CCDC178: variants seen among roughly 807,000 people sequenced by gnomAD.
CCDC178 encodes coiled-coil domain containing 178.
In CCDC178, 126 loss-of-function variants were observed where a neutral mutation model predicts 117.4. The ratio of observed to expected loss-of-function variants is 1.07; its 90% CI spans 0.93 to 1.24. The LOEUF (loss-of-function observed/expected upper bound fraction) is 1.24. Among genes scored for constraint, CCDC178 ranks in the 50% most tolerant of loss-of-function variants. The pLI, the probability that CCDC178 is intolerant of heterozygous loss-of-function variation, is 0.00. For synonymous variants in CCDC178, 283 were observed against 313.4 expected (o/e 0.90, Z 1.02); for missense variants, 1,030 against 986.9 (o/e 1.04, Z -0.59).
chr18:33,049,757 A>G (rs2056711131), intron 21 of CCDC178, among the ~76,000 whole-genome samples: 1 of 152,140 alleles, frequency 6.6e-6, no homozygotes, highest in Non-Finnish European at 1.5e-5. Context: ...TTCACCCTCA[A>G]CAGAATTGTT....
intron 21 of CCDC178, among the ~76,000 whole-genome samples, chr18:33,039,962 G>A (rs1390941194): frequency 4.0e-5 from 6 of 151,360 alleles, no homozygotes; most frequent in African/African-American, 4.9e-5. Flanking sequence ...AATTAACAAC[G>A]ATAACAACCA....
chr18:33,061,842 T>C (rs574577138), intron 21 of CCDC178, among the ~76,000 whole-genome samples: 13 of 152,298 alleles, frequency 8.5e-5, no homozygotes, highest in Admixed American at 5.2e-4. Flanking sequence ...CAGAGGGTTA[T>C]ATGAAGACAT....
At chr18:33,147,939 C>T (rs963396847) in intron 20 of CCDC178, among the ~76,000 whole-genome samples, 15 of 152,082 alleles carry the variant, frequency 9.9e-5, no homozygotes, top group East Asian at 3.9e-4. Context: ...CCAGACGGGG[C>T]GGCCAGGCAG....
intron 21 of CCDC178, among the ~76,000 whole-genome samples, chr18:33,035,913 T>C (rs549927645): frequency 4.6e-4 from 70 of 152,130 alleles, no homozygotes; most frequent in African/African-American, 1.6e-3. Context: ...CTTTTTTTAG[T>C]TTGATTAAAA....
chr18:33,117,835 A>T (rs2057880029), intron 20 of CCDC178, among the ~76,000 whole-genome samples: 1 of 152,046 alleles, frequency 6.6e-6, no homozygotes, highest in Non-Finnish European at 1.5e-5. Flanking sequence ...CTCATTCTTG[A>T]AGAGTGATGT....
intron 2 of CCDC178, among the ~76,000 whole-genome samples, chr18:33,423,170 A>C (rs1225803452): frequency 6.6e-6 from 1 of 152,166 alleles, no homozygotes; most frequent in Non-Finnish European, 1.5e-5. Context: ...CCGGCCTAAA[A>C]AAATAGTTAA....
At chr18:33,111,647 A>C (rs2057785008) in intron 20 of CCDC178, among the ~76,000 whole-genome samples, 1 of 151,672 alleles carries the variant, frequency 6.6e-6, no homozygotes, top group African/African-American at 2.4e-5. Flanking sequence ...CATTCATTTA[A>C]ACACAATTAA....
chr18:32,967,078 G>T (rs1483713156), intron 22 of CCDC178, among the ~76,000 whole-genome samples: 2 of 151,580 alleles, frequency 1.3e-5, no homozygotes, highest in East Asian at 3.9e-4. Context: ...ACTTTTATTA[G>T]AATAAGTATA....
At chr18:33,425,837 A>G (rs892385549) in intron 2 of CCDC178, among the ~76,000 whole-genome samples, 6 of 152,170 alleles carry the variant, frequency 3.9e-5, no homozygotes, top group African/African-American at 1.4e-4. Context: ...TCTTCCAAAA[A>G]TAGCAGTCAG....
At chr18:33,182,413 A>G (rs564353765) in intron 20 of CCDC178, among the ~76,000 whole-genome samples, 1 of 152,152 alleles carries the variant, frequency 6.6e-6, no homozygotes, top group African/African-American at 2.4e-5. Context: ...AAATCAAATT[A>G]TAAGTCTGTC....
intron 11 of CCDC178, among the ~76,000 whole-genome samples, chr18:33,301,898 C>T (rs890857164): frequency 3.9e-5 from 6 of 151,966 alleles, no homozygotes; most frequent in African/African-American, 1.5e-4. Flanking sequence ...TTTATTTTGC[C>T]ATGTGAGGTG....
intron 22 of CCDC178, among the ~76,000 whole-genome samples, chr18:32,963,262 C>G (rs1436440834): frequency 6.6e-6 from 1 of 152,020 alleles, no homozygotes; most frequent in Non-Finnish European, 1.5e-5. Flanking sequence ...TCCTAAGTCC[C>G]TCATACTTCT....
At chr18:33,248,200 C>T (rs1205983018) in intron 14 of CCDC178, among the ~76,000 whole-genome samples, 1 of 151,714 alleles carries the variant, frequency 6.6e-6, no homozygotes, top group African/African-American at 2.4e-5. Context: ...CATACATTGC[C>T]AAATTATTAT....
chr18:33,291,651 C>A (rs1487206983), intron 12 of CCDC178, among the ~76,000 whole-genome samples: 1 of 151,796 alleles, frequency 6.6e-6, no homozygotes, highest in Non-Finnish European at 1.5e-5. Context: ...TGAGATATGG[C>A]AGAAAAAGAA....
intron 20 of CCDC178, among the ~76,000 whole-genome samples, chr18:33,161,988 C>T (rs555676473): frequency 6.4e-4 from 98 of 152,250 alleles, no homozygotes; most frequent in African/African-American, 2.1e-3. Flanking sequence ...CCTGGGGAAT[C>T]GCCACACTGA....
At chr18:33,329,547 T>C (rs1568151491) in intron 10 of CCDC178, among the ~76,000 whole-genome samples, 1 of 152,210 alleles carries the variant, frequency 6.6e-6, no homozygotes, top group African/African-American at 2.4e-5. Context: ...GAGACAATCG[T>C]GTGAGTGTGT....
chr18:33,009,411 C>T (rs192397106), intron 21 of CCDC178, among the ~76,000 whole-genome samples: 1 of 152,166 alleles, frequency 6.6e-6, no homozygotes, highest in Non-Finnish European at 1.5e-5. Context: ...CTCACCTTCC[C>T]CTTTCTCTCT....
chr18:33,108,052 T>C (rs146057723), intron 20 of CCDC178, among the ~76,000 whole-genome samples: 9 of 151,770 alleles, frequency 5.9e-5, no homozygotes, highest in Admixed American at 1.3e-4. Context: ...TTTGTCATGG[T>C]ATTTCAGAGG....
chr18:33,011,663 G>A (rs944562736), intron 21 of CCDC178, among the ~76,000 whole-genome samples: 4 of 149,886 alleles, frequency 2.7e-5, no homozygotes, highest in African/African-American at 9.8e-5. Flanking sequence ...GTTACTGCAC[G>A]TAAACTCTGT....
Sources: gnomAD v4.1 joint callset for allele counts (sites outside exome capture counted in the v4.1 genomes callset) on GRCh38, gnomAD v4.1.1 for gene constraint, MANE v1.5 for transcripts, NCBI Gene and HGNC (gene_info 2026-07-23, HGNC 2026-07-21) for gene names.